SLC7A2: variants seen among roughly 807,000 people sequenced by gnomAD.
SLC7A2 encodes solute carrier family 7 member 2, also known as cationic amino acid transporter 2.
In SLC7A2, 48 loss-of-function variants were observed where a neutral mutation model predicts 58.9. The ratio of observed to expected loss-of-function variants is 0.82; its 90% CI spans 0.65 to 1.04. The LOEUF (loss-of-function observed/expected upper bound fraction) is 1.04. Ranked by LOEUF, SLC7A2 falls within the 50% of genes least tolerant of loss-of-function variation. The pLI, the probability that SLC7A2 is intolerant of heterozygous loss-of-function variation, is 0.00. For missense variants in SLC7A2, 1,029 were observed against 818.8 expected, an observed-to-expected ratio of 1.26 and a Z score of -3.13; for synonymous variants, 363 against 314.5, an observed-to-expected ratio of 1.15 and a Z score of -1.63.
At chr8:17,494,438 G>A (rs1313472153), upstream of SLC7A2, among the ~76,000 whole-genome samples, 2 of 152,184 alleles carry the variant, frequency 1.3e-5, no homozygotes, top group Non-Finnish European at 2.9e-5. Flanking sequence ...TCCTAAGGAG[G>A]AAACTTGACG....
intron 4 of SLC7A2, among the ~76,000 whole-genome samples, chr8:17,545,470 G>A (rs569697331): frequency 7.8e-5 from 11 of 140,946 alleles, no homozygotes; most frequent in African/African-American, 3.0e-4. Context: ...GAGTACAGTG[G>A]TACTGCAACC....
intron 2 of SLC7A2, among the ~76,000 whole-genome samples, chr8:17,516,747 T>A (rs1458274045): frequency 6.6e-6 from 1 of 152,206 alleles, no homozygotes; most frequent in African/African-American, 2.4e-5. Flanking sequence ...AGTTGACTCT[T>A]CACTGAACTT....
chr8:17,503,698 G>A (rs1800258768), intron 2 of SLC7A2, among the ~76,000 whole-genome samples: 1 of 152,166 alleles, frequency 6.6e-6, no homozygotes, highest in Non-Finnish European at 1.5e-5. Context: ...ATGATAATTT[G>A]TATCAATGTG....
intron 2 of SLC7A2, among the ~76,000 whole-genome samples, chr8:17,515,218 A>C (rs879517882): frequency 2.6e-5 from 4 of 152,210 alleles, no homozygotes; most frequent in African/African-American, 4.8e-5. Flanking sequence ...AAAGTCATCA[A>C]TAATGAGGAC....
At position 17,565,033 on chromosome 8, in the gene SLC7A2, C is replaced by A; in HGVS notation, c.1864C>A (p.Pro622Thr). Residue 622 changes from proline (P) to threonine (T), a missense_variant, in exon 13 of 13, where the codon CCA (proline) becomes ACA (threonine). Transcript: ENST00000494857. Reference protein sequence around the residue: ...RDENNEEDAYPDNVHAAAEEK... With the variant: ...RDENNEEDAYTDNVHAAAEEK... ...TGAAAACAATGAAGAAGATGCTTAT[C>A]CAGACAACGTTCATGCAGCAGCAGA... is the stretch of plus-strand genomic sequence containing the variant. 5 of 1,613,778 alleles carry A rather than the reference C, an allele frequency of 3.1e-6. 1 individual carries two copies. The South Asian group carries it at 4.4e-5, about 14-fold the overall frequency.
At chr8:17,536,248 T>G (rs1267889151) in intron 2 of SLC7A2, among the ~76,000 whole-genome samples, 2 of 152,034 alleles carry the variant, frequency 1.3e-5, no homozygotes, top group Admixed American at 6.6e-5. Flanking sequence ...TAATCCAGAT[T>G]GGTTGTATGT....
At chr8:17,553,450 A>G (rs1293925547) in intron 7 of SLC7A2, among the ~76,000 whole-genome samples, 2 of 152,198 alleles carry the variant, frequency 1.3e-5, no homozygotes, top group East Asian at 3.8e-4. Context: ...AGATTCATCT[A>G]TGGCCAAGCT....
At chr8:17,549,854 C>T (rs1047472980) in intron 5 of SLC7A2, among the ~76,000 whole-genome samples, 2 of 152,102 alleles carry the variant, frequency 1.3e-5, no homozygotes, top group African/African-American at 2.4e-5. Context: ...AGTTTTGTTT[C>T]GTGTTTTTAA....
At chr8:17,510,137 T>G (rs542097990) in intron 2 of SLC7A2, among the ~76,000 whole-genome samples, 1 of 152,140 alleles carries the variant, frequency 6.6e-6, no homozygotes, top group Admixed American at 6.5e-5. Context: ...GGAGCATCGC[T>G]TGAACCTGGG....
At chr8:17,501,445 A>T (rs961695359) in intron 1 of SLC7A2, among the ~76,000 whole-genome samples, 38 of 152,174 alleles carry the variant, frequency 2.5e-4, no homozygotes, top group Non-Finnish European at 5.3e-4. Flanking sequence ...TAGAGGCTGG[A>T]TTTGAATATG....
chr8:17,516,369 G>C (rs1013906749), intron 2 of SLC7A2, among the ~76,000 whole-genome samples: 3 of 152,044 alleles, frequency 2.0e-5, no homozygotes, highest in Non-Finnish European at 2.9e-5. Context: ...GGGATTACAG[G>C]TGCACCACCA....
chr8:17,548,740 A>G lies in SLC7A2; in HGVS notation c.595A>G (p.Ile199Val). 3 of 1,613,848 alleles carry G rather than the reference A, an allele frequency of 1.9e-6. No individual in the cohort carries two copies. The highest frequency in any genetic ancestry group is 2.5e-6 in the Non-Finnish European group (3 of 1,179,806). The change falls in exon 5 of 13, where the codon ATT becomes GTT. Residue 199 changes from isoleucine (I) to valine (V), a missense_variant. Ile to Val is a conservative substitution (Grantham distance 29). Coordinates refer to ENST00000494857, the MANE Select transcript of SLC7A2 (RefSeq NM_001370338.1). ...GAATAAAGTCTTCACAGCTGTTAATATTCTCGTCCTTCTGTTTGTGATGGT... is the reference window on the plus strand; with the variant it reads ...GAATAAAGTCTTCACAGCTGTTAATGTTCTCGTCCTTCTGTTTGTGATGGT... Reference protein sequence around the residue: ...WVNKVFTAVNILVLLFVMVAG... With the variant: ...WVNKVFTAVNVLVLLFVMVAG...
chr8:17,532,535 T>C (rs1801503050), intron 2 of SLC7A2, among the ~76,000 whole-genome samples: 1 of 152,172 alleles, frequency 6.6e-6, no homozygotes, highest in Non-Finnish European at 1.5e-5. Context: ...TTTTGAAATG[T>C]CTTAAGTCTT....
intron 10 of SLC7A2, among the ~76,000 whole-genome samples, chr8:17,561,480 A>C (rs1397396889): frequency 6.6e-6 from 1 of 152,236 alleles, no homozygotes; most frequent in Non-Finnish European, 1.5e-5. Context: ...GGTTCCTCCC[A>C]TAACACATGG....
chr8:17,533,040 G>A (rs1463365212), intron 2 of SLC7A2, among the ~76,000 whole-genome samples: 2 of 151,978 alleles, frequency 1.3e-5, no homozygotes, highest in Non-Finnish European at 2.9e-5. Flanking sequence ...TTTTAATTTT[G>A]TAAATGGTTC....
intron 2 of SLC7A2, among the ~76,000 whole-genome samples, chr8:17,516,350 C>G (rs1034230970): frequency 1.4e-4 from 22 of 152,130 alleles, no homozygotes; most frequent in Non-Finnish European, 2.4e-4. Flanking sequence ...CTCAGCCTCC[C>G]AAGTAGCTGG....
chr8:17,496,942 C>T (rs1273168440), upstream of SLC7A2: 1 of 151,590 alleles, frequency 6.6e-6, no homozygotes, highest in Non-Finnish European at 1.5e-5. Flanking sequence ...CACCGCCCAC[C>T]CCGGGGATTG....
intron 2 of SLC7A2, among the ~76,000 whole-genome samples, chr8:17,534,960 T>G (rs113048396): frequency 6.6e-6 from 1 of 152,002 alleles, no homozygotes; most frequent in East Asian, 1.9e-4. Context: ...CCCACCGCCC[T>G]TCCCCTAGAG....
At chr8:17,524,470 C>T (rs1227216669) in intron 2 of SLC7A2, among the ~76,000 whole-genome samples, 1 of 151,132 alleles carries the variant, frequency 6.6e-6, no homozygotes, top group Non-Finnish European at 1.5e-5. Context: ...TGGAATACTA[C>T]TCAGCCATAA....
Sources: allele counts gnomAD v4.1 joint callset (sites outside exome capture counted in the v4.1 genomes callset), GRCh38; gene constraint gnomAD v4.1.1; transcripts MANE v1.5; gene names NCBI Gene and HGNC (gene_info 2026-07-23, HGNC 2026-07-21).